Variants in GPC6 observed in about 807,000 individuals in gnomAD.
GPC6 encodes the protein glypican 6.
Under a neutral mutation model 55.2 loss-of-function variants are expected in GPC6, and 14 were observed. That is an observed-to-expected ratio of 0.25 (90% CI 0.17 to 0.40). The LOEUF (loss-of-function observed/expected upper bound fraction) is 0.40, where lower values mean the gene tolerates loss of function less well. GPC6 is among the 10% of genes least tolerant of loss of function. The pLI is 1.00. For missense variants in GPC6, 641 were observed against 708.5 expected (o/e 0.90, Z 1.08); for synonymous variants, 278 against 259.6 (o/e 1.07, Z -0.68).
chr13:93,420,029 AACAC>A (rs3076803), intron 1 of GPC6, among the ~76,000 whole-genome samples: 4,155 of 152,026 alleles, frequency 0.027, 192 homozygotes, highest in African/African-American at 0.096. Context: ...ATCCAACCCC[AACAC>A]ACACACACGA....
intron 1 of GPC6, among the ~76,000 whole-genome samples, chr13:93,441,089 T>A (rs1877780464): frequency 6.6e-6 from 1 of 152,250 alleles, no homozygotes; most frequent in Non-Finnish European, 1.5e-5. Flanking sequence ...TAATCCAGTC[T>A]ATCATTGATG....
At chr13:93,841,610 G>A (rs577229406) in intron 3 of GPC6, among the ~76,000 whole-genome samples, 1 of 152,218 alleles carries the variant, frequency 6.6e-6, no homozygotes, top group African/African-American at 2.4e-5. Context: ...ATAGGATAAC[G>A]GTGACTCTAA....
At chr13:93,532,884 T>G (rs557214592) in intron 1 of GPC6, among the ~76,000 whole-genome samples, 6 of 152,166 alleles carry the variant, frequency 3.9e-5, no homozygotes, top group Non-Finnish European at 8.8e-5. Flanking sequence ...TTTTGCAGAG[T>G]GAAAATTTTA....
At chr13:93,985,563 A>G (rs969950232) in intron 3 of GPC6, among the ~76,000 whole-genome samples, 6 of 151,880 alleles carry the variant, frequency 4.0e-5, no homozygotes, top group Non-Finnish European at 7.4e-5. Flanking sequence ...GTGATGACAC[A>G]TACCTATAGT....
intron 2 of GPC6, among the ~76,000 whole-genome samples, chr13:93,819,164 C>T (rs1304278482): frequency 1.3e-5 from 2 of 152,122 alleles, no homozygotes; most frequent in East Asian, 3.9e-4. Context: ...TTGACTGTTC[C>T]TCTTTAGTCT....
At chr13:94,262,489 A>C (rs892586946) in intron 4 of GPC6, among the ~76,000 whole-genome samples, 3 of 152,150 alleles carry the variant, frequency 2.0e-5, no homozygotes, top group African/African-American at 7.2e-5. Flanking sequence ...CCTGGCCAAC[A>C]TGGTGAAACC....
chr13:94,178,025 A>ATTTTTTTTTTTTTTTTT (rs767978319), intron 4 of GPC6, among the ~76,000 whole-genome samples: 5,248 of 131,398 alleles, frequency 0.04, 360 homozygotes, highest in African/African-American at 0.059. Flanking sequence ...TGGCCTTTTA[A>ATTTTTTTTTTTTTTTTT]TTTTTTTTTT....
intron 4 of GPC6, among the ~76,000 whole-genome samples, chr13:94,152,772 T>C (rs1887789090): frequency 6.6e-6 from 1 of 152,128 alleles, no homozygotes; most frequent in African/African-American, 2.4e-5. Context: ...TAATTTACCC[T>C]TAGGGGAATT....
Position 93,560,570 on chromosome 13 carries a change from C to G in GPC6, c.319+15149C>G, listed in dbSNP as rs566647278. Among the ~76,000 whole-genome samples, 77 of 151,472 alleles carry G rather than the reference C, an allele frequency of 5.1e-4. 1 individual carries two copies. In the Middle Eastern group the frequency reaches 0.038, roughly 75 times the overall value. On this transcript the variant is annotated intron_variant, in intron 2 of 8. Coordinates refer to ENST00000377047, the MANE Select transcript of GPC6 (RefSeq NM_005708.5). ...TTCCTTGTTAGAATTTTGCTTAATA[C>G]CTTGGCCGGGAGCGGTGGCTCATGC...
intron 4 of GPC6, among the ~76,000 whole-genome samples, chr13:94,221,318 A>G (rs1890376791): frequency 1.3e-5 from 2 of 152,174 alleles, no homozygotes; most frequent in Admixed American, 6.6e-5. Flanking sequence ...TTTTAACGTA[A>G]GTGATATGTC....
intron 2 of GPC6, among the ~76,000 whole-genome samples, chr13:93,637,142 T>TA (rs1879735076): frequency 6.6e-6 from 1 of 152,150 alleles, no homozygotes; most frequent in African/African-American, 2.4e-5. Flanking sequence ...TAACATTCTC[T>TA]AAAACAAAGA....
intron 5 of GPC6, among the ~76,000 whole-genome samples, chr13:94,297,037 T>A (rs1875372778): frequency 6.6e-6 from 1 of 152,212 alleles, no homozygotes; most frequent in African/African-American, 2.4e-5. Flanking sequence ...CAGTTGTTAC[T>A]GGCTTATGAA....
chr13:93,384,244 C>G (rs1875300582), intron 1 of GPC6, among the ~76,000 whole-genome samples: 1 of 151,968 alleles, frequency 6.6e-6, no homozygotes, highest in South Asian at 2.1e-4. Flanking sequence ...GTGGCTACAT[C>G]CTGCTTTAGA....
chr13:93,403,852 G>A (rs1876186787), intron 1 of GPC6, among the ~76,000 whole-genome samples: 1 of 152,026 alleles, frequency 6.6e-6, no homozygotes. Flanking sequence ...GAGCTTTGTG[G>A]TTGAAAATAA....
At chr13:94,125,090 A>G (rs1472474861) in intron 4 of GPC6, among the ~76,000 whole-genome samples, 1 of 152,154 alleles carries the variant, frequency 6.6e-6, no homozygotes, top group Non-Finnish European at 1.5e-5. Flanking sequence ...ACAAGAGTGG[A>G]GCTAAGAGCC....
intron 1 of GPC6, among the ~76,000 whole-genome samples, chr13:93,511,912 G>T (rs992643797): frequency 1.3e-5 from 2 of 151,792 alleles, no homozygotes; most frequent in Admixed American, 1.3e-4. Flanking sequence ...CCAAGGCTTT[G>T]GGGTTTTTTT....
At chr13:93,445,543 A>G (rs1207941644) in intron 1 of GPC6, among the ~76,000 whole-genome samples, 1 of 152,198 alleles carries the variant, frequency 6.6e-6, no homozygotes, top group Admixed American at 6.5e-5. Context: ...GGAGTCTGTC[A>G]ACTCTTCACT....
At chr13:93,440,997 A>T (rs577227287) in intron 1 of GPC6, among the ~76,000 whole-genome samples, 1 of 152,138 alleles carries the variant, frequency 6.6e-6, no homozygotes, top group African/African-American at 2.4e-5. Context: ...TTCTAGCTTC[A>T]TCCATGTCCC....
rs74926988 is a variant in GPC6 at position 94,047,386 on chromosome 13, C to T, written c.877+19492C>T. On this transcript the variant is annotated intron_variant, in intron 4 of 8. Transcript: ENST00000377047. ...TGAGTAGAGAATAAATTCATGATCT[C>T]AAAATCATCAGTGACACCCTTTTTC... Among the ~76,000 whole-genome samples, 777 of 152,128 alleles carry T rather than the reference C, an allele frequency of 5.1e-3. 11 individuals carry two copies. The highest frequency in any genetic ancestry group is 0.018 in the African/African-American group (746 of 41,502).
Sources: gnomAD v4.1 joint callset for allele counts (sites outside exome capture counted in the v4.1 genomes callset) on GRCh38, gnomAD v4.1.1 for gene constraint, MANE v1.5 for transcripts, NCBI Gene and HGNC (gene_info 2026-07-23, HGNC 2026-07-21) for gene names.